The following RNF180 variants were observed in gnomAD, a reference collection of about 807,000 sequenced individuals.
RNF180 encodes ring finger protein 180, also known as E3 ubiquitin-protein ligase RNF180.
In RNF180, 38 loss-of-function variants were observed where a neutral mutation model predicts 59.2. The ratio of observed to expected loss-of-function variants is 0.64; its 90% CI spans 0.50 to 0.84. The LOEUF (loss-of-function observed/expected upper bound fraction) is 0.84. Ranked by LOEUF, RNF180 falls within the 40% of genes least tolerant of loss-of-function variation. RNF180 has a pLI of 0.00. For synonymous variants in RNF180, 262 were observed against 240.3 expected, an observed-to-expected ratio of 1.09 and a Z score of -0.84; for missense variants, 705 against 700.9, an observed-to-expected ratio of 1.01 and a Z score of -0.07.
intron 7 of RNF180, among the ~76,000 whole-genome samples, chr5:64,359,559 T>C (rs1366864448): frequency 6.6e-6 from 1 of 151,906 alleles, no homozygotes; most frequent in Non-Finnish European, 1.5e-5. Context: ...GAGTAGGTTG[T>C]GAAAATGTTC....
At chr5:64,185,158 T>C (rs1453931538) in intron 1 of RNF180, among the ~76,000 whole-genome samples, 1 of 152,216 alleles carries the variant, frequency 6.6e-6, no homozygotes, top group African/African-American at 2.4e-5. Flanking sequence ...TGCTTTACTT[T>C]CAGCATATAT....
At chr5:64,295,637 T>C (rs773061397) in intron 5 of RNF180, among the ~76,000 whole-genome samples, 12 of 152,174 alleles carry the variant, frequency 7.9e-5, no homozygotes, top group Non-Finnish European at 1.2e-4. Flanking sequence ...CCTAATAAAG[T>C]AGTATCAGGT....
At chr5:64,314,057 G>A (rs965714466) in intron 5 of RNF180, among the ~76,000 whole-genome samples, 16 of 152,010 alleles carry the variant, frequency 1.1e-4, no homozygotes, top group African/African-American at 3.4e-4. Flanking sequence ...AACCTTTGCT[G>A]GATGCATAGT....
intron 1 of RNF180, among the ~76,000 whole-genome samples, chr5:64,173,174 TAC>T (rs1425425450): frequency 6.6e-6 from 1 of 152,220 alleles, no homozygotes; most frequent in Non-Finnish European, 1.5e-5. Context: ...TATTTTCTTT[TAC>T]AGAGACAAAT....
At chr5:64,181,606 C>G (rs1363865334) in intron 1 of RNF180, among the ~76,000 whole-genome samples, 2 of 152,114 alleles carry the variant, frequency 1.3e-5, no homozygotes, top group Admixed American at 1.3e-4. Flanking sequence ...ATGTCAGCAA[C>G]CTTTGCCTAG....
At chr5:64,250,280 T>A (rs1183320748) in intron 5 of RNF180, among the ~76,000 whole-genome samples, 1 of 151,990 alleles carries the variant, frequency 6.6e-6, no homozygotes, top group Non-Finnish European at 1.5e-5. Context: ...GCAAAAGCCA[T>A]TATAAGAGGG....
intron 5 of RNF180, among the ~76,000 whole-genome samples, chr5:64,243,939 C>T (rs1423636345): frequency 1.3e-5 from 2 of 152,110 alleles, no homozygotes; most frequent in African/African-American, 4.8e-5. Flanking sequence ...CAGTGATACC[C>T]AGGCAAACAG....
intron 5 of RNF180, among the ~76,000 whole-genome samples, chr5:64,251,180 A>G (rs1743552006): frequency 6.6e-6 from 1 of 152,220 alleles, no homozygotes. Flanking sequence ...AATTAGGTAT[A>G]CAAGGAATTT....
chr5:64,230,921 T>C (rs1173491314), intron 5 of RNF180, among the ~76,000 whole-genome samples: 3 of 152,246 alleles, frequency 2.0e-5, no homozygotes, highest in Admixed American at 6.5e-5. Flanking sequence ...TCATTAATTA[T>C]GTATCCACCA....
intron 1 of RNF180, among the ~76,000 whole-genome samples, chr5:64,173,088 T>C (rs1750030102): frequency 6.6e-6 from 1 of 152,218 alleles, no homozygotes; most frequent in Non-Finnish European, 1.5e-5. Flanking sequence ...CAGCAAACTG[T>C]ACAAAAAATA....
At chr5:64,192,016 CCA>C (rs1244754825) in intron 1 of RNF180, among the ~76,000 whole-genome samples, 1 of 151,776 alleles carries the variant, frequency 6.6e-6, no homozygotes, top group Non-Finnish European at 1.5e-5. Flanking sequence ...ATGTGGGTGT[CCA>C]GTTTTCTCAC....
intron 5 of RNF180, among the ~76,000 whole-genome samples, chr5:64,316,959 C>T (rs2112496090): frequency 6.6e-6 from 1 of 152,236 alleles, no homozygotes; most frequent in Non-Finnish European, 1.5e-5. Context: ...CTGTTGGGAC[C>T]CAGATATATG....
chr5:64,278,554 A>G (rs1741844166), intron 5 of RNF180, among the ~76,000 whole-genome samples: 1 of 152,172 alleles, frequency 6.6e-6, no homozygotes, highest in African/African-American at 2.4e-5. Flanking sequence ...AAAGTTAAGC[A>G]AGTAAAATGT....
chr5:64,361,050 A>G (rs1158958533), intron 7 of RNF180, among the ~76,000 whole-genome samples: 1 of 151,512 alleles, frequency 6.6e-6, no homozygotes, highest in African/African-American at 2.4e-5. Flanking sequence ...GTCCAGAACA[A>G]AGGCAGTTAG....
chr5:64,292,315 G>C (rs575118194), intron 5 of RNF180, among the ~76,000 whole-genome samples: 2 of 152,096 alleles, frequency 1.3e-5, no homozygotes, highest in Non-Finnish European at 2.9e-5. Flanking sequence ...GGGGTTTTGG[G>C]GGTCTTTTTT....
At chr5:64,365,425 G>A (rs750728054) in intron 7 of RNF180, among the ~76,000 whole-genome samples, 21 of 151,684 alleles carry the variant, frequency 1.4e-4, no homozygotes, top group Admixed American at 6.6e-4. Context: ...TCAATTGTGT[G>A]GTCAATTTTA....
At chr5:64,228,200 T>C (rs991777603) in intron 5 of RNF180, among the ~76,000 whole-genome samples, 4 of 152,178 alleles carry the variant, frequency 2.6e-5, no homozygotes, top group Non-Finnish European at 4.4e-5. Flanking sequence ...ACTGAAAATA[T>C]ATGTAAGCAT....
chr5:64,261,905 T>C (rs1236075532), intron 5 of RNF180, among the ~76,000 whole-genome samples: 4 of 152,174 alleles, frequency 2.6e-5, no homozygotes, highest in Non-Finnish European at 5.9e-5. Context: ...GCTGTAGGTA[T>C]ACCTCGATTG....
chr5:64,343,663 C>A (rs995351294), intron 7 of RNF180, among the ~76,000 whole-genome samples: 5 of 151,680 alleles, frequency 3.3e-5, no homozygotes, highest in Non-Finnish European at 5.9e-5. Context: ...CTGACTTGAA[C>A]AGGAACACCA....
Sources: gnomAD v4.1 joint callset for allele counts (sites outside exome capture counted in the v4.1 genomes callset) on GRCh38, gnomAD v4.1.1 for gene constraint, MANE v1.5 for transcripts, NCBI Gene and HGNC (gene_info 2026-07-23, HGNC 2026-07-21) for gene names.